Variants in FBXW10 observed in about 807,000 individuals in gnomAD.
FBXW10 encodes the protein F-box/WD repeat-containing protein 10.
FBXW10 carries 68 observed loss-of-function variants against 113.1 expected under a neutral mutation model. The observed-to-expected ratio is 0.60, with a 90% CI of 0.49 to 0.74. The LOEUF is 0.74. Ranked by LOEUF, FBXW10 falls within the 30% of genes least tolerant of loss-of-function variation. The probability of loss-of-function intolerance (pLI) is 0.00; values close to 1 mark genes in which losing one functional copy is unlikely to be tolerated. For missense variants in FBXW10, 753 were observed against 1,284.5 expected (o/e 0.59, Z 6.32); for synonymous variants, 289 against 481.6 (o/e 0.60, Z 5.24).
rs1479546859 is a variant in FBXW10 at position 18,778,495 on chromosome 17, C to T, written c.2356C>T (p.Gln786Ter). The change falls in exon 14 of 14, where the codon CAA becomes TAA. Residue 786 changes from glutamine (Q) to a stop codon, truncating the protein, a stop_gained. Coordinates refer to ENST00000395665, the MANE Select transcript of FBXW10 (RefSeq NM_001267585.2). LOFTEE classifies it high-confidence loss of function. Reference protein sequence around the residue: ...RRDADDVEKAQKQGQLETPGK... With the variant: ...RRDADDVEKA ...AAAAGCAGATGATGTGGAGAAAGCACAAAAACAAGGACAATTGGAAACTCC... is the reference window on the plus strand; with the variant it reads ...AAAAGCAGATGATGTGGAGAAAGCATAAAAACAAGGACAATTGGAAACTCC... 1 of 1,613,284 alleles carries T rather than the reference C, an allele frequency of 6.2e-7. No individual in the cohort carries two copies.
At chr17:18,773,697 T>C (rs561495245) in intron 12 of FBXW10, among the ~76,000 whole-genome samples, 8 of 152,346 alleles carry the variant, frequency 5.3e-5, no homozygotes, top group Non-Finnish European at 7.3e-5. Flanking sequence ...AATAGTCAGC[T>C]ATCTCTTGAG....
chr17:18,748,155 C>T (rs1453489542), intron 2 of FBXW10, 50 bp downstream of exon 2: 1 of 1,609,176 alleles, frequency 6.2e-7, no homozygotes, highest in South Asian at 1.1e-5. Context: ...TGCGGTGGCT[C>T]ATGCCTGTAA....
intron 1 of FBXW10, among the ~76,000 whole-genome samples, chr17:18,747,726 T>G (rs956414357): frequency 6.6e-6 from 1 of 152,018 alleles, no homozygotes; most frequent in African/African-American, 2.4e-5. Flanking sequence ...ACTCGAGAAA[T>G]TTTACAATGG....
In FBXW10 at chr17:18,772,182, C is replaced by T. The variant is rs115894780; in HGVS notation, c.2007-230C>T. On this transcript the variant is annotated intron_variant, in intron 11 of 13. Coordinates refer to ENST00000395665, the MANE Select transcript of FBXW10 (RefSeq NM_001267585.2). ...TGAAACAATCGGAACATATGTGCCC[C>T]GATCATGTTTATTTTTTAAAGAAAA... 5.6e-3 allele frequency among the ~76,000 whole-genome samples: 850 copies of T among 152,206 alleles called. 4 individuals carry two copies. The highest frequency in any genetic ancestry group is 0.02 in the African/African-American group (816 of 41,542).
At chr17:18,747,017 C>T (rs1175513980) in intron 1 of FBXW10, among the ~76,000 whole-genome samples, 2 of 151,522 alleles carry the variant, frequency 1.3e-5, no homozygotes, top group Non-Finnish European at 2.9e-5. Flanking sequence ...CTCCGCCTCC[C>T]GGGTTCACGC....
In FBXW10 at chr17:18,749,734, G is replaced by A; in HGVS notation, c.683G>A (p.Arg228Lys). The change falls in exon 3 of 14, where the codon AGG becomes AAG. Residue 228 changes from arginine to lysine, a missense_variant. Arg to Lys is a conservative substitution (Grantham distance 26). Transcript: ENST00000395665. ...GAASNPEEPWRNSLRCISEMN... is the reference protein window; with the variant it reads ...GAASNPEEPWKNSLRCISEMN... ...GGCTTCACTCTAGAGGAACCATGGA[G>A]GAATTCACTCCGGTGTATATCCGAA... is the stretch of plus-strand genomic sequence containing the variant. 1 of 1,614,008 alleles carries A rather than the reference G, an allele frequency of 6.2e-7. No individual in the cohort carries two copies. Among genetic ancestry groups the A allele is most frequent in the Non-Finnish European group, 8.5e-7 (1 of 1,179,888 alleles).
intron 8 of FBXW10, among the ~76,000 whole-genome samples, chr17:18,766,049 C>T (rs1054792011): frequency 6.6e-6 from 1 of 152,134 alleles, no homozygotes; most frequent in African/African-American, 2.4e-5. Flanking sequence ...TTTTAGAAAA[C>T]CCTGTTCTGC....
At chr17:18,755,102 A>C (rs1429854678) in intron 5 of FBXW10, among the ~76,000 whole-genome samples, 1 of 151,840 alleles carries the variant, frequency 6.6e-6, no homozygotes, top group African/African-American at 2.4e-5. Context: ...GTCGCTGCTA[A>C]AAATACAAAA....
chr17:18,744,128 G>A lies in FBXW10; in HGVS notation c.-117G>A, dbSNP rs2034988754. The stretch of plus-strand genomic sequence containing the variant: ...GCCATTTACTTTTGCTCTGGGAGAC[G>A]TTTGTAATAGAAAAGGCACAACTGG... On this transcript the variant is annotated 5_prime_UTR_variant, in exon 1 of 14. Coordinates refer to ENST00000395665, the MANE Select transcript of FBXW10 (RefSeq NM_001267585.2). The A allele has an allele frequency of 2.0e-6, 3 of 1,511,506 alleles. No individual in the cohort carries two copies. The highest frequency in any genetic ancestry group is 2.3e-5 in the Admixed American group (1 of 44,036). 93.6% of individuals were successfully genotyped at this position (1,511,506 alleles called of 1,614,324 possible).
intron 12 of FBXW10, among the ~76,000 whole-genome samples, 186 bp downstream of exon 12, chr17:18,772,869 T>C (rs1160416379): frequency 1.3e-5 from 2 of 152,140 alleles, no homozygotes; most frequent in East Asian, 1.9e-4. Context: ...CTAAACAATT[T>C]ATCAGCCAGT....
At chr17:18,753,541 G>A (rs1326105095) in intron 5 of FBXW10, among the ~76,000 whole-genome samples, 2 of 152,024 alleles carry the variant, frequency 1.3e-5, no homozygotes, top group Non-Finnish European at 2.9e-5. Context: ...GCCACCCTTC[G>A]CCTTTCTCTC....
chr17:18,756,985 A>C (rs2035277092), intron 6 of FBXW10, among the ~76,000 whole-genome samples: 3 of 152,116 alleles, frequency 2.0e-5, no homozygotes, highest in Admixed American at 6.6e-5. Flanking sequence ...AGAGATGGTG[A>C]CTAGTTGAAT....
intron 7 of FBXW10, among the ~76,000 whole-genome samples, chr17:18,762,214 G>A (rs1162047610): frequency 4.6e-5 from 7 of 151,832 alleles, no homozygotes; most frequent in Admixed American, 3.3e-4. Flanking sequence ...CACCCGCCTC[G>A]GCCTCCCAAA....
At chr17:18,774,890 G>T (rs986869388) in intron 12 of FBXW10, among the ~76,000 whole-genome samples, 1 of 152,160 alleles carries the variant, frequency 6.6e-6, no homozygotes, top group Non-Finnish European at 1.5e-5. Context: ...AACACAAAGA[G>T]ATGATAAATG....
intron 1 of FBXW10, among the ~76,000 whole-genome samples, chr17:18,747,332 G>A (rs1484073484): frequency 4.6e-5 from 7 of 152,254 alleles, no homozygotes; most frequent in African/African-American, 9.6e-5. Flanking sequence ...AGGCCGAGGC[G>A]GGTGGATCAC....
rs1416874297 is a variant in FBXW10, at chr17:18,744,644, G to A, written c.400G>A (p.Ala134Thr). Residue 134 changes from alanine (A) to threonine (T), a missense_variant, in exon 1 of 14, where the codon GCG becomes ACG. Coordinates refer to ENST00000395665, the MANE Select transcript of FBXW10 (RefSeq NM_001267585.2). Reference protein sequence around the residue: ...WFANSTQWTKANYTLLLLQMC... With the variant: ...WFANSTQWTKTNYTLLLLQMC... ...TGCGAACAGCACCCAGTGGACCAAG[G>A]CGAATTATACTCTCTTACTGCTGCA... The A allele has an allele frequency of 6.2e-7, 1 of 1,613,834 alleles. No homozygotes were observed. Among genetic ancestry groups the A allele is most frequent in the African/African-American group, 1.3e-5 (1 of 74,914 alleles).
At chr17:18,757,441 T>C (rs1267612552) in intron 6 of FBXW10, among the ~76,000 whole-genome samples, 1 of 152,218 alleles carries the variant, frequency 6.6e-6, no homozygotes, top group Admixed American at 6.5e-5. Flanking sequence ...ACATCCCTGT[T>C]TATTGGAACA....
At chr17:18,758,197 G>C (rs2035303796) in intron 6 of FBXW10, 108 bp from the exon 7 acceptor site, 1 of 1,425,798 alleles carries the variant, frequency 7.0e-7, no homozygotes, top group South Asian at 1.4e-5. Flanking sequence ...GAAAGGCCCT[G>C]GATTTTCCTT....
chr17:18,776,041 G>C (rs887928962), intron 13 of FBXW10, among the ~76,000 whole-genome samples: 2 of 150,644 alleles, frequency 1.3e-5, no homozygotes, highest in Non-Finnish European at 3.0e-5. Context: ...AAAAGTGGCC[G>C]GGCGCGGTGG....
Sources: gnomAD v4.1 joint callset for allele counts (sites outside exome capture counted in the v4.1 genomes callset) on GRCh38, gnomAD v4.1.1 for gene constraint, MANE v1.5 for transcripts, NCBI Gene and HGNC (gene_info 2026-07-23, HGNC 2026-07-21) for gene names.